The following SKI variants were observed in gnomAD, a reference collection of about 807,000 sequenced individuals.
The protein encoded by SKI is SKI proto-oncogene, also known as ski oncogene.
In SKI, 23 loss-of-function variants were observed where a neutral mutation model predicts 59.3. That is an observed-to-expected ratio of 0.39 (90% confidence interval 0.28 to 0.55). The LOEUF (loss-of-function observed/expected upper bound fraction) is 0.55. Among genes scored for constraint, SKI ranks in the 20% least tolerant of loss-of-function variants. The probability of loss-of-function intolerance (pLI) is 0.67; values close to 1 mark genes in which losing one functional copy is unlikely to be tolerated. For synonymous variants in SKI, 673 were observed against 488.6 expected (o/e 1.38, Z -4.98); for missense variants, 1,017 against 1,038.9 (o/e 0.98, Z 0.29).
At chr1:2,239,737 C>G (rs1638825322) in intron 1 of SKI, among the ~76,000 whole-genome samples, 1 of 152,238 alleles carries the variant, frequency 6.6e-6, no homozygotes, top group African/African-American at 2.4e-5. Flanking sequence ...TCTTTCCTGG[C>G]CAACGGGAGG....
chr1:2,248,550 C>T (rs1639047773), intron 1 of SKI, among the ~76,000 whole-genome samples: 1 of 152,178 alleles, frequency 6.6e-6, no homozygotes. Context: ...GGAAGCCTGG[C>T]AGTGGCGGGG....
intron 1 of SKI, among the ~76,000 whole-genome samples, chr1:2,298,990 C>T (rs1640357395): frequency 6.6e-6 from 1 of 152,164 alleles, no homozygotes; most frequent in Non-Finnish European, 1.5e-5. Flanking sequence ...CCTGTGAGCC[C>T]TGGGTGGGTG....
chr1:2,298,974 C>T (rs1640356916), intron 1 of SKI, among the ~76,000 whole-genome samples: 1 of 152,174 alleles, frequency 6.6e-6, no homozygotes, highest in African/African-American at 2.4e-5. Context: ...GCCTTGCCTG[C>T]TGGTGCCTGT....
chr1:2,306,058 G>A lies in SKI; in HGVS notation c.1806G>A (p.Leu602=), dbSNP rs1162027902. 6.3e-7 allele frequency: 1 copy of A among 1,599,338 alleles called. No homozygotes were observed. The highest frequency in any genetic ancestry group is 1.1e-5 in the South Asian group (1 of 88,350). ...EFLRVAKKEK[L]REATEAKRNL... ...TACGCGTGGCCAAGAAGGAGAAGCTGCGGGAGGCCACGGAGGCCAAGCGTA... is the reference window on the plus strand; with the variant it reads ...TACGCGTGGCCAAGAAGGAGAAGCTACGGGAGGCCACGGAGGCCAAGCGTA... The change falls in exon 6 of 7, where the codon CTG becomes CTA. Residue 602 remains leucine, a synonymous_variant. Transcript: ENST00000378536.
chr1:2,282,479 GGTGGTGGAGATCTTC>G (rs1639914017), intron 1 of SKI, among the ~76,000 whole-genome samples: 3 of 141,252 alleles, frequency 2.1e-5, no homozygotes, highest in Admixed American at 1.4e-4. Context: ...GAAGACAGGC[GGTGGTGGAGATCTTC>G]AGAGAGAGGA....
Position 2,303,740 on chromosome 1 carries a change from T to G in SKI, c.1212-100T>G. ...ACTTGAAGATTCGGAGCTGGGAAAGTCTTTCCTGTTTAACACCTTCAGAGG... is the reference window on the plus strand; with the variant it reads ...ACTTGAAGATTCGGAGCTGGGAAAGGCTTTCCTGTTTAACACCTTCAGAGG... On this transcript the variant is annotated intron_variant, in intron 3 of 6. Coordinates refer to ENST00000378536, the MANE Select transcript of SKI (RefSeq NM_003036.4). The surrounding 1 kb of genome is among the most constrained non-coding windows in gnomAD (Gnocchi z 5.6). 6.8e-7 allele frequency: 1 copy of G among 1,466,826 alleles called. No homozygotes were observed. Among genetic ancestry groups the G allele is most frequent in the Non-Finnish European group, 9.3e-7 (1 of 1,071,348 alleles). The allele number at this position is 1,466,826 out of a possible 1,614,324, so 90.9% of individuals were successfully genotyped here. A position where few individuals can be genotyped will look rare whatever the true frequency, so the allele number is the denominator to read the frequency against.
rs2100933028 is a variant in SKI at position 2,309,303 on chromosome 1, G to A, written c.*2538G>A. ...CTTCATCTAAGTGATTGTGTATTCA[G>A]TTTAATTCTCATTATATTTCTATAC... On this transcript the variant is annotated 3_prime_UTR_variant, in exon 7 of 7. Coordinates refer to ENST00000378536, the MANE Select transcript of SKI (RefSeq NM_003036.4). The A allele has an allele frequency of 6.6e-6, 1 of 152,290 alleles. No individual in the cohort carries two copies. The highest frequency in any genetic ancestry group is 2.1e-4 in the South Asian group (1 of 4,826). The allele number at this position is 152,290 out of a possible 1,614,324, so 9.4% of individuals were successfully genotyped here.
At position 2,228,737 on chromosome 1, in the gene SKI, C is replaced by G. The variant is rs2100789295; in HGVS notation, c.-30C>G. 9.4e-7 allele frequency: 1 copy of G among 1,068,008 alleles called. No individual in the cohort carries two copies. Among genetic ancestry groups the G allele is most frequent in the South Asian group, 3.8e-5 (1 of 26,572 alleles). The allele number at this position is 1,068,008 out of a possible 1,614,324, so 66.2% of individuals were successfully genotyped here. A position where few individuals can be genotyped will look rare whatever the true frequency, so the allele number is the denominator to read the frequency against. ...CCGGGGGGGCCCGGGCGCGCGGGAGCGGGAGCGGCCGGGGGAGCCGGAGCG... is the reference window on the plus strand; with the variant it reads ...CCGGGGGGGCCCGGGCGCGCGGGAGGGGGAGCGGCCGGGGGAGCCGGAGCG... On this transcript the variant is annotated 5_prime_UTR_variant, in exon 1 of 7. Transcript: ENST00000378536.
intron 1 of SKI, among the ~76,000 whole-genome samples, chr1:2,298,749 G>A (rs559005445): frequency 1.3e-5 from 2 of 152,348 alleles, no homozygotes; most frequent in South Asian, 4.1e-4. Context: ...CCTGGCTGCT[G>A]TATCAACGCG....
chr1:2,298,892 C>G (rs1321144069), intron 1 of SKI, among the ~76,000 whole-genome samples: 2 of 152,230 alleles, frequency 1.3e-5, no homozygotes, highest in East Asian at 1.9e-4. Flanking sequence ...TTGCCCACTA[C>G]TCACTCCCGC....
At chr1:2,289,095 A>T (rs1345082411) in intron 1 of SKI, among the ~76,000 whole-genome samples, 2 of 152,220 alleles carry the variant, frequency 1.3e-5, no homozygotes, top group Non-Finnish European at 2.9e-5. Flanking sequence ...GTTCTGCAGG[A>T]GACCTGGTGG....
intron 1 of SKI, among the ~76,000 whole-genome samples, chr1:2,265,773 C>G (rs1241489731): frequency 6.6e-6 from 1 of 151,946 alleles, no homozygotes; most frequent in African/African-American, 2.4e-5. Context: ...TTGAGACCAG[C>G]CTGGGCAACA....
chr1:2,273,698 C>A (rs906255187), intron 1 of SKI, among the ~76,000 whole-genome samples: 1 of 152,172 alleles, frequency 6.6e-6, no homozygotes, highest in South Asian at 2.1e-4. Flanking sequence ...GAGGCCTGAC[C>A]GTGACTGCAG....
chr1:2,305,869 C>G, intron 5 of SKI, 151 bp from the exon 6 acceptor site: 1 of 704,248 alleles, frequency 1.4e-6, no homozygotes, highest in South Asian at 1.6e-5. Context: ...CGGGGCACCA[C>G]ACGGGTTGGG....
intron 1 of SKI, among the ~76,000 whole-genome samples, chr1:2,248,472 G>C (rs993299336): frequency 1.3e-5 from 2 of 152,168 alleles, no homozygotes; most frequent in South Asian, 2.1e-4. Context: ...TTTTTGTTTT[G>C]CAAATAACGC....
chr1:2,306,470 C>A, intron 6 of SKI, 107 bp from the exon 7 acceptor site: 1 of 1,219,530 alleles, frequency 8.2e-7, no homozygotes, highest in Non-Finnish European at 1.1e-6. Flanking sequence ...CGGCACGCGG[C>A]ACTGGGGAGG....
intron 1 of SKI, among the ~76,000 whole-genome samples, chr1:2,271,105 C>T (rs951351398): frequency 1.3e-5 from 2 of 152,162 alleles, no homozygotes; most frequent in African/African-American, 4.8e-5. Flanking sequence ...CTTGGGGTTT[C>T]CTGATGGGTG....
rs1380314925 is a variant in SKI, at chr1:2,260,254, A to G, written c.969+30519A>G. On this transcript the variant is annotated intron_variant, in intron 1 of 6. Coordinates refer to ENST00000378536, the MANE Select transcript of SKI (RefSeq NM_003036.4). The stretch of plus-strand genomic sequence containing the variant: ...TTGAGGTTTAAGTTGCGCTTCCCCA[A>G]TCGTTGAGAACGTAGAGTGGCTTCT... Among the ~76,000 whole-genome samples the G allele has an allele frequency of 3.9e-5, 6 of 152,164 alleles. No individual in the cohort carries two copies. The East Asian group carries it at 5.8e-4, about 15-fold the overall frequency.
chr1:2,301,776 C>T (rs996545156), intron 1 of SKI, among the ~76,000 whole-genome samples: 7 of 152,260 alleles, frequency 4.6e-5, no homozygotes, highest in African/African-American at 9.6e-5. Context: ...GAGCCCCCAC[C>T]GCCCGACTTT....
Sources: allele counts gnomAD v4.1 joint callset (sites outside exome capture counted in the v4.1 genomes callset), GRCh38; gene constraint gnomAD v4.1.1; non-coding constraint Gnocchi (gnomAD v3.1); transcripts MANE v1.5; gene names NCBI Gene and HGNC (gene_info 2026-07-23, HGNC 2026-07-21).